REEP4: variants seen among roughly 807,000 people sequenced by gnomAD.
REEP4 encodes receptor expression-enhancing protein 4.
REEP4 carries 17 observed loss-of-function variants against 33.5 expected under a neutral mutation model. The ratio of observed to expected loss-of-function variants is 0.51; its 90% CI spans 0.35 to 0.76. The LOEUF is 0.76. Among genes scored for constraint, REEP4 ranks in the 30% least tolerant of loss-of-function variants. REEP4 has a pLI of 0.01. For synonymous variants in REEP4, 157 were observed against 142.9 expected, an observed-to-expected ratio of 1.10 and a Z score of -0.70; for missense variants, 340 against 357.9, an observed-to-expected ratio of 0.95 and a Z score of 0.40.
chr8:22,138,942 G>A lies in REEP4; in HGVS notation c.537C>T (p.His179=), dbSNP rs765641752. Residue 179 remains histidine (H), a synonymous_variant, in exon 6 of 8, where the codon CAC becomes CAT. Transcript: ENST00000306306. ...CCCGCTCACCAATGGGTGGCCTCCG[G>A]TGGGACACCTGGTCCTCCAGGTAGA... ...DPLYLEDQVS[H]RRPPIGYRAG... 9 of 1,594,458 alleles carry A rather than the reference G, an allele frequency of 5.6e-6. No homozygotes were observed. The East Asian group carries it at 8.9e-5, about 16-fold the overall frequency.
intron 4 of REEP4, 169 bp downstream of exon 4, chr8:22,139,794 C>T: frequency 1.2e-6 from 1 of 868,934 alleles, no homozygotes; most frequent in Non-Finnish European, 1.7e-6. Context: ...GTACCCCCAC[C>T]TGATTATCCC....
In REEP4 at chr8:22,138,765, GC is replaced by G; in HGVS notation, c.581del (p.Ser194ThrfsTer26). The part of the protein sequence containing the change: ...IGYRAGGLQD[S>X]DTEDECWSDT... The stretch of plus-strand genomic sequence containing the variant: ...CTGACCAACACTCATCCTCGGTGTC[GC>G]TGTCCTGCAGGCCCCCGGCCCGGTA... On this transcript the variant is annotated frameshift_variant, in exon 7 of 8. Coordinates refer to ENST00000306306, the MANE Select transcript of REEP4 (RefSeq NM_025232.4). LOFTEE classifies it high-confidence loss of function. 6.2e-7 allele frequency: 1 copy of G among 1,607,948 alleles called. No individual in the cohort carries two copies. Among genetic ancestry groups the G allele is most frequent in the Non-Finnish European group, 8.5e-7 (1 of 1,178,202 alleles).
At chr8:22,141,222 T>C (rs535189532) in intron 1 of REEP4, among the ~76,000 whole-genome samples, 2 of 152,352 alleles carry the variant, frequency 1.3e-5, no homozygotes, top group South Asian at 4.1e-4. Context: ...CTGTTTGCAG[T>C]GTGTGTGGCG....
Position 22,139,293 on chromosome 8 carries a change from C to A in REEP4, c.417+123G>T, listed in dbSNP as rs770954902. 7 of 946,932 alleles carry A rather than the reference C, an allele frequency of 7.4e-6. No individual in the cohort carries two copies. In the East Asian group the frequency reaches 7.8e-5, roughly 11 times the overall value. 58.7% of individuals were successfully genotyped at this position (946,932 alleles called of 1,614,324 possible). ...CTCCACGCTTCTGCCAATACCCCCC[C>A]GTCACCTTCTCACCCCTGCTCCCCG... On this transcript the variant is annotated intron_variant, in intron 5 of 7. Coordinates refer to ENST00000306306, the MANE Select transcript of REEP4 (RefSeq NM_025232.4).
At position 22,140,953 on chromosome 8, in the gene REEP4, A is replaced by T. The variant is rs560088555; in HGVS notation, c.33-256T>A. Among the ~76,000 whole-genome samples the T allele has an allele frequency of 2.8e-3, 433 of 152,358 alleles. 1 individual carries two copies. Among genetic ancestry groups the T allele is most frequent in the Middle Eastern group, 6.8e-3 (2 of 294 alleles). On this transcript the variant is annotated intron_variant, in intron 1 of 7. Coordinates refer to ENST00000306306, the MANE Select transcript of REEP4 (RefSeq NM_025232.4). ...GGAGTGAGAGGACAGCCACTCCACGAAGTGGGTGAGAACACCAGACTGTCC... is the reference window on the plus strand; with the variant it reads ...GGAGTGAGAGGACAGCCACTCCACGTAGTGGGTGAGAACACCAGACTGTCC...
In REEP4 at chr8:22,138,428, C is replaced by G; in HGVS notation, c.*59G>C. ...GCCAGATGTGCAGCCCAAGGTCCCT[C>G]CAAATAGCCCTGGAGCCCTGCAGGG... On this transcript the variant is annotated 3_prime_UTR_variant, in exon 8 of 8. Coordinates refer to ENST00000306306, the MANE Select transcript of REEP4 (RefSeq NM_025232.4). The G allele has an allele frequency of 6.3e-7, 1 of 1,596,310 alleles. No homozygotes were observed. The highest frequency in any genetic ancestry group is 8.6e-7 in the Non-Finnish European group (1 of 1,169,472).
intron 1 of REEP4, 59 bp downstream of exon 1, chr8:22,141,392 C>G: frequency 6.3e-7 from 1 of 1,575,524 alleles, no homozygotes; most frequent in Non-Finnish European, 8.6e-7. Context: ...CCACAGCTTC[C>G]ACCACAGGGG....
Position 22,140,001 on chromosome 8 carries a change from G to A in REEP4, c.265C>T (p.Arg89Cys), listed in dbSNP as rs748117560. Residue 89 changes from arginine (R) to cysteine (C), a missense_variant, in exon 4 of 8, where the codon CGC becomes TGC. Coordinates refer to ENST00000306306, the MANE Select transcript of REEP4 (RefSeq NM_025232.4). ...PYTKGASLLY[R>C]KFVHPSLSRH... Reference sequence around the variant, plus strand: ...GACAGGGACGGGTGGACAAACTTGCGGTAAAGCAGGCTGGCGCCCTTGGTG... The same window carrying A: ...GACAGGGACGGGTGGACAAACTTGCAGTAAAGCAGGCTGGCGCCCTTGGTG... 12 of 1,592,120 alleles carry A rather than the reference G, an allele frequency of 7.5e-6. No individual in the cohort carries two copies. Among genetic ancestry groups the A allele is most frequent in the East Asian group, 4.6e-5 (2 of 43,494 alleles).
In REEP4 at chr8:22,139,459, C is replaced by A. The variant is rs763817191; in HGVS notation, c.374G>T (p.Gly125Val). Residue 125 changes from glycine (G) to valine (V), a missense_variant, in exon 5 of 8, where the codon GGC (glycine) becomes GTC (valine). Coordinates refer to ENST00000306306, the MANE Select transcript of REEP4 (RefSeq NM_025232.4). ...YETVLSFGKR[G>V]LNIAASAAVQ... ...AGCAGCGGAGGCGGCAATGTTGAGG[C>A]CCCGCTTCCCGAAGCTGAGCACGGT... 1 of 1,609,760 alleles carries A rather than the reference C, an allele frequency of 6.2e-7. No homozygotes were observed.
chr8:22,138,885 CA>C, intron 6 of REEP4, 40 bp downstream of exon 6: 1 of 1,548,528 alleles, frequency 6.5e-7, no homozygotes, highest in East Asian at 2.3e-5. Flanking sequence ...TGAAGGAAGC[CA>C]TCCCTCCTGG....
intron 1 of REEP4, 81 bp from the exon 2 acceptor site, chr8:22,140,778 G>T: frequency 1.6e-6 from 2 of 1,246,268 alleles, no homozygotes; most frequent in East Asian, 2.3e-5. Context: ...CCCCACTGGG[G>T]TGCAAGGTGG....
chr8:22,141,697 C>G lies in REEP4; in HGVS notation c.-215G>C. 1 of 428,812 alleles carries G rather than the reference C, an allele frequency of 2.3e-6. No individual in the cohort carries two copies. Among genetic ancestry groups the G allele is most frequent in the African/African-American group, 2.0e-5 (1 of 48,974 alleles). The allele number at this position is 428,812 out of a possible 1,614,324, so 26.6% of individuals were successfully genotyped here. On this transcript the variant is annotated 5_prime_UTR_variant, in exon 1 of 8. Transcript: ENST00000306306. ...GAGACCCGAGGCAAAGCGGCCCCGGCGGGGAGGAAGCCGACTTGGGAGCGG... is the reference window on the plus strand; with the variant it reads ...GAGACCCGAGGCAAAGCGGCCCCGGGGGGGAGGAAGCCGACTTGGGAGCGG...
intron 4 of REEP4, 184 bp downstream of exon 4, chr8:22,139,779 C>T: frequency 1.2e-6 from 1 of 800,160 alleles, no homozygotes; most frequent in Non-Finnish European, 1.9e-6. Flanking sequence ...AAAGGTCATT[C>T]ATGTGTACCC....
Position 22,139,053 on chromosome 8 carries a change from C to CAA in REEP4, c.425_426insTT (p.Ala143TrpfsTer78), listed in dbSNP as rs763081211. On this transcript the variant is annotated frameshift_variant, in exon 6 of 8. Coordinates refer to ENST00000306306, the MANE Select transcript of REEP4 (RefSeq NM_025232.4). LOFTEE classifies it high-confidence loss of function. ...AGCTCCGCAGCCTGCCGGCCAGCGC[C>CAA]CCCTGACTCTGCGAGGGGGAAGAGG... 6.4e-7 allele frequency: 1 copy of CAA among 1,570,298 alleles called. No individual in the cohort carries two copies. Among genetic ancestry groups the CAA allele is most frequent in the Non-Finnish European group, 8.6e-7 (1 of 1,159,956 alleles).
chr8:22,139,293 C>T (rs770954902), intron 5 of REEP4, 123 bp downstream of exon 5: 13 of 947,048 alleles, frequency 1.4e-5, no homozygotes, highest in Admixed American at 7.9e-5. Flanking sequence ...AATACCCCCC[C>T]GTCACCTTCT....
Position 22,138,917 on chromosome 8 carries a change from C to A in REEP4, c.553+9G>T. ...CCTGGCATGGCTCTGGGCCCCTCTG[C>A]CCGCTCACCAATGGGTGGCCTCCGG... is the stretch of plus-strand genomic sequence containing the variant. On this transcript the variant is annotated intron_variant, in intron 6 of 7. Transcript: ENST00000306306. 1 of 1,569,854 alleles carries A rather than the reference C, an allele frequency of 6.4e-7. No individual in the cohort carries two copies. Among genetic ancestry groups the A allele is most frequent in the Non-Finnish European group, 8.6e-7 (1 of 1,161,996 alleles).
chr8:22,139,921 T>C, intron 4 of REEP4, 42 bp downstream of exon 4: 1 of 1,553,878 alleles, frequency 6.4e-7, no homozygotes, highest in East Asian at 2.4e-5. Flanking sequence ...CTTTCCCTCA[T>C]ACCCACCCCT....
At position 22,141,568 on chromosome 8, in the gene REEP4, G is replaced by A. The variant is rs1563202537; in HGVS notation, c.-86C>T. On this transcript the variant is annotated 5_prime_UTR_variant, in exon 1 of 8. Coordinates refer to ENST00000306306, the MANE Select transcript of REEP4 (RefSeq NM_025232.4). ...AAGGGCTGGGACGGGGGGTGATCAG[G>A]GCAGTTGCGGGAAGCAGAGGGGCGA... 3 of 1,418,914 alleles carry A rather than the reference G, an allele frequency of 2.1e-6. No individual in the cohort carries two copies. The highest frequency in any genetic ancestry group is 1.9e-6 in the Non-Finnish European group (2 of 1,050,722). 87.9% of individuals were successfully genotyped at this position (1,418,914 alleles called of 1,614,324 possible).
At chr8:22,141,359 A>T in intron 1 of REEP4, 92 bp downstream of exon 1, 1 of 1,453,022 alleles carries the variant, frequency 6.9e-7, no homozygotes, top group Non-Finnish European at 9.5e-7. Flanking sequence ...GGAGCTCAGA[A>T]AGTTCCTCCT....
Sources: allele counts gnomAD v4.1 joint callset (sites outside exome capture counted in the v4.1 genomes callset), GRCh38; gene constraint gnomAD v4.1.1; transcripts MANE v1.5; gene names NCBI Gene and HGNC (gene_info 2026-07-23, HGNC 2026-07-21).